ABLIM2: variants seen among roughly 807,000 people sequenced by gnomAD.
The protein encoded by ABLIM2 is actin-binding LIM protein 2.
In ABLIM2, 53 loss-of-function variants were observed where a neutral mutation model predicts 97.7. That is an observed-to-expected ratio of 0.54 (90% CI 0.44 to 0.68). The LOEUF (loss-of-function observed/expected upper bound fraction) is 0.68, where lower values mean the gene tolerates loss of function less well. ABLIM2 is among the 30% of genes least tolerant of loss of function. ABLIM2 has a pLI of 0.00. For missense variants in ABLIM2, 835 were observed against 867.2 expected (o/e 0.96, Z 0.47); for synonymous variants, 361 against 345.8 (o/e 1.04, Z -0.49).
chr4:8,014,830 C>T (rs1339282176), intron 14 of ABLIM2, among the ~76,000 whole-genome samples: 1 of 152,180 alleles, frequency 6.6e-6, no homozygotes, highest in Admixed American at 6.5e-5. Flanking sequence ...GGAAAGTGGG[C>T]CTGCAGTCTC....
chr4:7,968,024 A>G (rs1724371275), intron 20 of ABLIM2, among the ~76,000 whole-genome samples: 1 of 152,238 alleles, frequency 6.6e-6, no homozygotes, highest in African/African-American at 2.4e-5. Context: ...GGCTCTGAGA[A>G]ACCCCGCATC....
At chr4:8,056,461 C>G (rs1158693060) in intron 7 of ABLIM2, among the ~76,000 whole-genome samples, 1 of 151,760 alleles carries the variant, frequency 6.6e-6, no homozygotes, top group Non-Finnish European at 1.5e-5. Context: ...GCACCATGCC[C>G]AGCTAATTTT....
Position 8,097,231 on chromosome 4 carries a change from T to C in ABLIM2, c.206A>G (p.Tyr69Cys), listed in dbSNP as rs1832097586. 2 of 1,578,400 alleles carry C rather than the reference T, an allele frequency of 1.3e-6. No homozygotes were observed. The highest frequency in any genetic ancestry group is 1.7e-6 in the Non-Finnish European group (2 of 1,163,408). Residue 69 changes from tyrosine to cysteine, a missense_variant, in exon 3 of 21, where the codon TAC (tyrosine) becomes TGC (cysteine). Transcript: ENST00000447017. ...EGGFFVRQGE[Y>C]ICTLDYQRLY... is the part of the protein sequence containing the mutation. ...CCTCTGGTAGTCCAGCGTGCAGATG[T>C]ACTCGCCCTGCCGCACGAAGAAGCC... is the stretch of plus-strand genomic sequence containing the variant.
chr4:7,993,435 G>A (rs972875574), intron 16 of ABLIM2, among the ~76,000 whole-genome samples: 1 of 152,214 alleles, frequency 6.6e-6, no homozygotes, highest in African/African-American at 2.4e-5. Context: ...TGTAATCTTA[G>A]AGCTTTGGGA....
At chr4:8,079,049 G>A (rs1022567659) in intron 5 of ABLIM2, among the ~76,000 whole-genome samples, 4 of 152,242 alleles carry the variant, frequency 2.6e-5, no homozygotes, top group African/African-American at 9.6e-5. Flanking sequence ...GCTGTTGCTA[G>A]GTCCCCAGGA....
intron 15 of ABLIM2, among the ~76,000 whole-genome samples, chr4:8,008,810 C>T (rs1419700574): frequency 6.6e-6 from 1 of 152,184 alleles, no homozygotes; most frequent in African/African-American, 2.4e-5. Context: ...GTACACATCT[C>T]TTCAGTCACA....
chr4:8,106,691 G>C (rs1010319246), intron 1 of ABLIM2, 54 bp from the exon 2 acceptor site: 8 of 1,549,928 alleles, frequency 5.2e-6, no homozygotes, highest in Non-Finnish European at 6.1e-6. Context: ...GAGGCACAAA[G>C]GTGAGCAAAG....
chr4:8,009,387 T>C (rs1315323268), intron 14 of ABLIM2, among the ~76,000 whole-genome samples: 1 of 152,112 alleles, frequency 6.6e-6, no homozygotes, highest in Non-Finnish European at 1.5e-5. Context: ...ACTTGGCCTT[T>C]TGATTTTGTT....
At chr4:8,158,452 C>A (rs1716135816) in intron 1 of ABLIM2, among the ~76,000 whole-genome samples, 1 of 152,164 alleles carries the variant, frequency 6.6e-6, no homozygotes, top group African/African-American at 2.4e-5. Context: ...CCGGCCGGCG[C>A]GCTGGGAAAG....
intron 14 of ABLIM2, among the ~76,000 whole-genome samples, chr4:8,018,920 GT>G (rs1771483023): frequency 6.6e-6 from 1 of 152,160 alleles, no homozygotes; most frequent in East Asian, 1.9e-4. Flanking sequence ...GATCGGTCCT[GT>G]TTTGCAGATG....
rs967252135 is a variant in ABLIM2 at position 8,095,051 on chromosome 4, T to C, written c.338+2048A>G. On this transcript the variant is annotated intron_variant, in intron 3 of 20. Transcript: ENST00000447017. This position sits in a 1 kb window ranked among gnomAD's most constrained non-coding sequence, Gnocchi z 4.7. ...CCACTTCTTTCCTTCCTTCCTTCTT[T>C]CTTTCTTTCTCTTTCTTTCTTTCTC... Among the ~76,000 whole-genome samples, 3 of 143,414 alleles carry C rather than the reference T, an allele frequency of 2.1e-5. No individual in the cohort carries two copies. Among genetic ancestry groups the C allele is most frequent in the Non-Finnish European group, 4.7e-5 (3 of 64,240 alleles). The allele number at this position is 143,414 out of a possible 152,430, so 94.1% of individuals were successfully genotyped here.
intron 11 of ABLIM2, among the ~76,000 whole-genome samples, chr4:8,028,418 C>T (rs1363693312): frequency 3.9e-5 from 6 of 152,236 alleles, no homozygotes; most frequent in African/African-American, 7.2e-5. Context: ...CATTCACTCA[C>T]TCACTCACTC....
chr4:8,153,416 C>T (rs760447493), intron 1 of ABLIM2, among the ~76,000 whole-genome samples: 35 of 152,184 alleles, frequency 2.3e-4, no homozygotes, highest in Non-Finnish European at 4.6e-4. Flanking sequence ...CTGCACATCA[C>T]GGAAGAACAG....
Position 7,986,035 on chromosome 4 carries a change from G to A in ABLIM2, c.1681-1142C>T, listed in dbSNP as rs1238856242. 3.9e-5 allele frequency among the ~76,000 whole-genome samples: 6 copies of A among 152,306 alleles called. No individual in the cohort carries two copies. The highest frequency in any genetic ancestry group is 6.5e-5 in the Admixed American group (1 of 15,300). On this transcript the variant is annotated intron_variant, in intron 17 of 20. Transcript: ENST00000447017. The surrounding 1 kb of genome is among the most constrained non-coding windows in gnomAD (Gnocchi z 4.3). ...TTGCGGTTGTGCCTTGGCTGCCCGC[G>A]GTGGACGGAGCCTGTTGAAGAAAAT...
At chr4:8,105,655 A>G (rs1461751834) in intron 2 of ABLIM2, among the ~76,000 whole-genome samples, 1 of 152,230 alleles carries the variant, frequency 6.6e-6, no homozygotes, top group Non-Finnish European at 1.5e-5. Context: ...GGGGGCCGTC[A>G]TACCGAACCC....
chr4:8,056,857 G>A lies in ABLIM2; in HGVS notation c.764-2611C>T, dbSNP rs555689817. 3.2e-4 allele frequency among the ~76,000 whole-genome samples: 48 copies of A among 148,082 alleles called. 1 individual carries two copies. The South Asian group carries it at 8.0e-3, about 25-fold the overall frequency. On this transcript the variant is annotated intron_variant, in intron 7 of 20. Coordinates refer to ENST00000447017, the MANE Select transcript of ABLIM2 (RefSeq NM_001130083.2). ...TGAGGCAGGAGAATGGCGTGAACTC[G>A]GGAGGCGGAGCTTGCAGTGAGCCAA...
At chr4:7,975,938 A>G (rs1732686373) in intron 20 of ABLIM2, among the ~76,000 whole-genome samples, 2 of 152,164 alleles carry the variant, frequency 1.3e-5, no homozygotes, top group South Asian at 2.1e-4. Flanking sequence ...TTTCTTAAAC[A>G]TATGTCCCAC....
chr4:8,034,336 T>G (rs1162898415), intron 10 of ABLIM2, among the ~76,000 whole-genome samples: 1 of 141,982 alleles, frequency 7.0e-6, no homozygotes, highest in Non-Finnish European at 1.5e-5. Context: ...TGGATGCACA[T>G]GGGTGCAGGT....
intron 10 of ABLIM2, among the ~76,000 whole-genome samples, chr4:8,031,563 A>G (rs1560776261): frequency 1.3e-5 from 2 of 152,132 alleles, no homozygotes; most frequent in South Asian, 4.2e-4. Context: ...GTGGGTGAGC[A>G]TAGGCTCTGA....
Sources: gnomAD v4.1 joint callset for allele counts (sites outside exome capture counted in the v4.1 genomes callset) on GRCh38, gnomAD v4.1.1 for gene constraint, Gnocchi (gnomAD v3.1) non-coding constraint, MANE v1.5 for transcripts, NCBI Gene and HGNC (gene_info 2026-07-23, HGNC 2026-07-21) for gene names.